ANTXR1: variants seen among roughly 807,000 people sequenced by gnomAD.
ANTXR1 encodes ANTXR cell adhesion molecule 1.
A neutral mutation model predicts 78.1 loss-of-function variants in ANTXR1; 19 were observed. That is an observed-to-expected ratio of 0.24 (90% confidence interval 0.17 to 0.36). ANTXR1 has a LOEUF of 0.36. Among genes scored for constraint, ANTXR1 ranks in the 10% least tolerant of loss-of-function variants. ANTXR1 has a pLI of 1.00. For synonymous variants in ANTXR1, 273 were observed against 260.5 expected (o/e 1.05, Z -0.46); for missense variants, 518 against 718.6 (o/e 0.72, Z 3.19).
chr2:69,231,016 T>A (rs956414977), intron 17 of ANTXR1, among the ~76,000 whole-genome samples: 5 of 152,194 alleles, frequency 3.3e-5, no homozygotes, highest in Non-Finnish European at 7.3e-5. Context: ...GTTCATAAGT[T>A]CTTATTATTT....
At chr2:69,021,479 G>A (rs1191627908) in intron 1 of ANTXR1, among the ~76,000 whole-genome samples, 2 of 152,212 alleles carry the variant, frequency 1.3e-5, no homozygotes, top group African/African-American at 4.8e-5. Flanking sequence ...TTCTTATGGT[G>A]ATGGTTCTGG....
At chr2:69,174,605 A>T (rs978368191) in intron 14 of ANTXR1, among the ~76,000 whole-genome samples, 2 of 152,158 alleles carry the variant, frequency 1.3e-5, no homozygotes, top group Admixed American at 1.3e-4. Flanking sequence ...AGACTGGGCG[A>T]CAGAGCAAGA....
rs1573933481 is a variant in ANTXR1, at chr2:69,148,278, T to C, written c.952-3891T>C. Among the ~76,000 whole-genome samples the C allele has an allele frequency of 3.3e-5, 5 of 152,300 alleles. 1 individual carries two copies. The South Asian group carries it at 1.0e-3, about 32-fold the overall frequency. On this transcript the variant is annotated intron_variant, in intron 12 of 17. Transcript: ENST00000303714. Reference sequence around the variant, plus strand: ...ATGCTGTGCTCCCAGCATGTGGACCTCCACTGCCCCTGCCCTACCCCAGGG... The same window carrying C: ...ATGCTGTGCTCCCAGCATGTGGACCCCCACTGCCCCTGCCCTACCCCAGGG...
In ANTXR1 at chr2:69,118,247, A is replaced by AAAAAAAAG. The variant is rs1491160965; in HGVS notation, c.803-4763_803-4762insGAAAAAAA. Among the ~76,000 whole-genome samples the AAAAAAAAG allele has an allele frequency of 2.9e-3, 191 of 65,736 alleles. 2 individuals carry two copies. The highest frequency in any genetic ancestry group is 0.019 in the African/African-American group (183 of 9,582). The allele number at this position is 65,736 out of a possible 152,430, so 43.1% of individuals were successfully genotyped here. ...GCAACATAGGGGACCTTGTCTCTAC[A>AAAAAAAAG]AAAAAAAAAAAAAAATTTAATTAGC... On this transcript the variant is annotated intron_variant, in intron 10 of 17. Transcript: ENST00000303714.
chr2:69,235,651 CAAAAAAAAA>C (rs554310438), intron 17 of ANTXR1, among the ~76,000 whole-genome samples: 2 of 58,226 alleles, frequency 3.4e-5, no homozygotes, highest in African/African-American at 6.0e-5. Flanking sequence ...AACCCCGTCT[CAAAAAAAAA>C]AAAAAAAAAA....
chr2:69,081,020 T>C (rs1224666412), intron 8 of ANTXR1, among the ~76,000 whole-genome samples: 1 of 152,232 alleles, frequency 6.6e-6, no homozygotes. Context: ...CTAGACATCA[T>C]GGCACTCAGA....
intron 6 of ANTXR1, among the ~76,000 whole-genome samples, chr2:69,075,302 C>G (rs150988334): frequency 0.01 from 1,588 of 152,268 alleles, 31 homozygotes; most frequent in African/African-American, 0.036. Context: ...ATCATTTCCC[C>G]AGAATATTTA....
chr2:69,184,444 T>C lies in ANTXR1; in HGVS notation c.1353+1784T>C, dbSNP rs534871786. On this transcript the variant is annotated intron_variant, in intron 16 of 17. Coordinates refer to ENST00000303714, the MANE Select transcript of ANTXR1 (RefSeq NM_032208.3). ...AAGAACATGCAGTGGCGTGCATGCA[T>C]GTGCAGACAGGAAGGAGCCAAGCAG... Among the ~76,000 whole-genome samples, 7 of 152,314 alleles carry C rather than the reference T, an allele frequency of 4.6e-5. No homozygotes were observed. The South Asian group carries it at 1.2e-3, about 27-fold the overall frequency.
At chr2:69,059,518 G>A (rs1670168623) in intron 3 of ANTXR1, among the ~76,000 whole-genome samples, 1 of 148,808 alleles carries the variant, frequency 6.7e-6, no homozygotes, top group Non-Finnish European at 1.5e-5. Flanking sequence ...TGCTCTTGTT[G>A]CCCAGGCTGG....
intron 17 of ANTXR1, among the ~76,000 whole-genome samples, chr2:69,211,371 C>T (rs183130584): frequency 1.6e-4 from 24 of 152,332 alleles, no homozygotes; most frequent in African/African-American, 5.8e-4. Flanking sequence ...GCGGGATCAA[C>T]TGTGCCAGCA....
At chr2:69,026,271 G>A (rs1256089978) in intron 1 of ANTXR1, among the ~76,000 whole-genome samples, 2 of 152,156 alleles carry the variant, frequency 1.3e-5, no homozygotes, top group African/African-American at 2.4e-5. Context: ...TAGACCACCT[G>A]GGTTCAAATC....
chr2:69,170,053 C>T (rs558950367), intron 13 of ANTXR1, among the ~76,000 whole-genome samples, 195 bp from the exon 14 acceptor site: 5 of 152,230 alleles, frequency 3.3e-5, no homozygotes, highest in Non-Finnish European at 5.9e-5. Context: ...GAACCCTCAG[C>T]CTGAGTCATA....
In ANTXR1 at chr2:69,249,067, AATCAGTT is replaced by A. The variant is rs1676080503; in HGVS notation, c.*3587_*3593del. The A allele has an allele frequency of 6.6e-6, 1 of 152,258 alleles. No individual in the cohort carries two copies. Among genetic ancestry groups the A allele is most frequent in the South Asian group, 2.1e-4 (1 of 4,830 alleles). The allele number at this position is 152,258 out of a possible 1,614,324, so 9.4% of individuals were successfully genotyped here. A position where few individuals can be genotyped will look rare whatever the true frequency, so the allele number is the denominator to read the frequency against. ...ATGCCTCTGAGTCATTGTTATAAAA[AATCAGTT>A]ATCACTATACCATGCTATAGGAGAC... On this transcript the variant is annotated 3_prime_UTR_variant, in exon 18 of 18. Transcript: ENST00000303714.
intron 12 of ANTXR1, among the ~76,000 whole-genome samples, chr2:69,144,038 T>C (rs544192870): frequency 1.3e-5 from 2 of 152,318 alleles, no homozygotes; most frequent in South Asian, 4.1e-4. Flanking sequence ...AGTAATAAAA[T>C]GGCTTAAATT....
chr2:69,102,998 C>T (rs1671676059), intron 10 of ANTXR1, 58 bp downstream of exon 10: 1 of 1,510,122 alleles, frequency 6.6e-7, no homozygotes, highest in Non-Finnish European at 9.2e-7. Flanking sequence ...GAAGGGAATT[C>T]CCACCCTTGT....
At chr2:69,029,050 C>T (rs60503438) in intron 1 of ANTXR1, among the ~76,000 whole-genome samples, 9 of 150,172 alleles carry the variant, frequency 6.0e-5, no homozygotes, top group South Asian at 4.2e-4. Context: ...GACCCCCCCC[C>T]CTCCATCTCT....
chr2:69,190,560 G>A (rs1674522352), intron 16 of ANTXR1, among the ~76,000 whole-genome samples: 1 of 152,118 alleles, frequency 6.6e-6, no homozygotes, highest in Non-Finnish European at 1.5e-5. Flanking sequence ...TTAATTTTAA[G>A]TCTTATAGCA....
At chr2:69,218,902 A>T (rs531649182) in intron 17 of ANTXR1, among the ~76,000 whole-genome samples, 1 of 152,306 alleles carries the variant, frequency 6.6e-6, no homozygotes, top group South Asian at 2.1e-4. Flanking sequence ...ATGGTTCCAA[A>T]GGCCGGAGCG....
chr2:69,219,383 G>C (rs969361573), intron 17 of ANTXR1, among the ~76,000 whole-genome samples: 1 of 45,846 alleles, frequency 2.2e-5, no homozygotes, highest in East Asian at 2.5e-3. Flanking sequence ...ACCAGAAGGA[G>C]GACACACACA....
Sources: gnomAD v4.1 joint callset for allele counts (sites outside exome capture counted in the v4.1 genomes callset) on GRCh38, gnomAD v4.1.1 for gene constraint, MANE v1.5 for transcripts, NCBI Gene and HGNC (gene_info 2026-07-23, HGNC 2026-07-21) for gene names.